The following WDR64 variants were observed in gnomAD, a reference collection of about 807,000 sequenced individuals.
The protein encoded by WDR64 is WD repeat-containing protein 64.
A neutral mutation model predicts 139.3 loss-of-function variants in WDR64; 112 were observed. The observed-to-expected ratio is 0.80, with a 90% CI of 0.69 to 0.94. WDR64 has a LOEUF of 0.94. Ranked by LOEUF, WDR64 falls within the 40% of genes least tolerant of loss-of-function variation. WDR64 has a pLI of 0.00. For synonymous variants in WDR64, 444 were observed against 437.7 expected (o/e 1.01, Z -0.18); for missense variants, 1,206 against 1,293.1 (o/e 0.93, Z 1.03).
intron 9 of WDR64, among the ~76,000 whole-genome samples, chr1:241,719,635 C>A (rs1668530391): frequency 6.6e-6 from 1 of 152,104 alleles, no homozygotes; most frequent in Non-Finnish European, 1.5e-5. Flanking sequence ...TAACAAGTCA[C>A]CTAATTATCC....
intron 20 of WDR64, 82 bp downstream of exon 20, chr1:241,773,013 A>T: frequency 7.2e-7 from 1 of 1,392,718 alleles, no homozygotes; most frequent in Non-Finnish European, 9.5e-7. Flanking sequence ...GTGTTCTTCC[A>T]TATGGCATCC....
At position 241,745,300 on chromosome 1, in the gene WDR64, C is replaced by T. The variant is rs1303010331; in HGVS notation, c.1594+784C>T. 1.1e-4 allele frequency among the ~76,000 whole-genome samples: 13 copies of T among 119,120 alleles called. 1 individual carries two copies. Among genetic ancestry groups the T allele is most frequent in the African/African-American group, 4.0e-4 (12 of 30,230 alleles). 78.1% of individuals were successfully genotyped at this position (119,120 alleles called of 152,430 possible). A position where few individuals can be genotyped will look rare whatever the true frequency, so the allele number is the denominator to read the frequency against. On this transcript the variant is annotated intron_variant, in intron 13 of 27. Coordinates refer to ENST00000437684, the MANE Select transcript of WDR64 (RefSeq NM_001367482.1). ...AAAGTGTGAGCAGATGACAACAGCA[C>T]GTGAAATAAAATCATGAATGCTGAG...
At chr1:241,659,050 C>T (rs1665724487) in intron 1 of WDR64, among the ~76,000 whole-genome samples, 1 of 152,094 alleles carries the variant, frequency 6.6e-6, no homozygotes, top group Non-Finnish European at 1.5e-5. Context: ...CTCATGCTCT[C>T]CCTCCACACC....
At chr1:241,721,035 C>A (rs1394097219) in intron 9 of WDR64, among the ~76,000 whole-genome samples, 1 of 152,156 alleles carries the variant, frequency 6.6e-6, no homozygotes, top group Admixed American at 6.5e-5. Context: ...CTCCCAGCAC[C>A]ATTTATTAAA....
chr1:241,679,642 G>A (rs1465517262), intron 6 of WDR64, 47 bp downstream of exon 6: 1 of 1,475,368 alleles, frequency 6.8e-7, no homozygotes, highest in East Asian at 2.5e-5. Context: ...TGTCTTTTCA[G>A]TAGTGGTACG....
At chr1:241,790,799 T>G (rs1177625619) in intron 25 of WDR64, 103 bp downstream of exon 25, 36 of 844,830 alleles carry the variant, frequency 4.3e-5, no homozygotes, top group Non-Finnish European at 6.2e-5. Flanking sequence ...ATATTAATTT[T>G]TTATTGATGG....
At chr1:241,765,919 A>T (rs940397766) in intron 15 of WDR64, among the ~76,000 whole-genome samples, 3 of 152,210 alleles carry the variant, frequency 2.0e-5, no homozygotes, top group African/African-American at 4.8e-5. Context: ...TATTCTTTCA[A>T]CAAGTTTGAA....
intron 14 of WDR64, among the ~76,000 whole-genome samples, chr1:241,751,123 C>T (rs1289788447): frequency 6.6e-6 from 1 of 151,898 alleles, no homozygotes; most frequent in East Asian, 1.9e-4. Context: ...TGCCATGTTC[C>T]AGAAGGATAT....
intron 1 of WDR64, among the ~76,000 whole-genome samples, chr1:241,660,229 G>A (rs1250209908): frequency 6.6e-6 from 1 of 152,158 alleles, no homozygotes; most frequent in African/African-American, 2.4e-5. Context: ...TTGTAGGTGT[G>A]CAGTCTTATT....
rs1299673311 is a variant in WDR64 at position 241,723,413 on chromosome 1, G to T, written c.1171G>T (p.Val391Phe). The T allele has an allele frequency of 3.1e-6, 5 of 1,613,692 alleles. No homozygotes were observed. The highest frequency in any genetic ancestry group is 4.2e-6 in the Non-Finnish European group (5 of 1,179,776). Residue 391 changes from valine (V) to phenylalanine (F), a missense_variant, in exon 10 of 28, where the codon GTC becomes TTC. By Grantham distance (50) the Val-to-Phe change is conservative. Coordinates refer to ENST00000437684, the MANE Select transcript of WDR64 (RefSeq NM_001367482.1). ...EIVTNEKDQH[V>F]VSLSSAKVFR... ...CGTAACCAATGAAAAAGATCAACAT[G>T]TCGTCAGCCTTTCCTCTGCAAAGGT...
chr1:241,675,073 G>GCCTCCCTCCCTCCTTCCTT (rs1558465982), intron 4 of WDR64, among the ~76,000 whole-genome samples: 3 of 22,024 alleles, frequency 1.4e-4, no homozygotes, highest in Non-Finnish European at 2.4e-4. Flanking sequence ...CCTCCTTCCT[G>GCCTCCCTCCCTCCTTCCTT]CCTCCCTCCC....
At chr1:241,761,491 T>C (rs1364508207) in intron 15 of WDR64, among the ~76,000 whole-genome samples, 1 of 151,890 alleles carries the variant, frequency 6.6e-6, no homozygotes, top group African/African-American at 2.4e-5. Flanking sequence ...TTGTCAATTT[T>C]TCTATCTATG....
intron 11 of WDR64, among the ~76,000 whole-genome samples, chr1:241,738,755 T>G (rs1669423530): frequency 6.6e-6 from 1 of 152,214 alleles, no homozygotes; most frequent in South Asian, 2.1e-4. Context: ...GAAAGTTCTA[T>G]TTGAGTAATT....
At chr1:241,715,438 G>A (rs1668366022) in intron 9 of WDR64, among the ~76,000 whole-genome samples, 2 of 152,130 alleles carry the variant, frequency 1.3e-5, no homozygotes, top group Non-Finnish European at 2.9e-5. Context: ...TTTTGGTTTG[G>A]ATCACACATC....
intron 8 of WDR64, among the ~76,000 whole-genome samples, chr1:241,690,420 G>A (rs1317003636): frequency 2.6e-5 from 4 of 151,164 alleles, no homozygotes; most frequent in East Asian, 2.0e-4. Context: ...GTAGTGAGCC[G>A]AGATCACACC....
At chr1:241,661,736 G>C (rs1665840190) in intron 2 of WDR64, among the ~76,000 whole-genome samples, 1 of 152,198 alleles carries the variant, frequency 6.6e-6, no homozygotes, top group South Asian at 2.1e-4. Flanking sequence ...TATTAGAAAA[G>C]CCAGAAACGT....
chr1:241,799,935 C>T (rs1239589168), intron 27 of WDR64, among the ~76,000 whole-genome samples: 1 of 151,884 alleles, frequency 6.6e-6, no homozygotes, highest in East Asian at 1.9e-4. Flanking sequence ...CTTAATTTTT[C>T]CCCTAAAAAG....
chr1:241,660,664 G>C lies in WDR64; in HGVS notation c.276+4G>C, dbSNP rs1260182480. On this transcript the variant is annotated splice_donor_region_variant and intron_variant, in intron 2 of 27. Coordinates refer to ENST00000437684, the MANE Select transcript of WDR64 (RefSeq NM_001367482.1). ...TGCATCTGCAGACTGGTGTGAGGTAGACTCATTTCATGTTCATAATATGAA... is the reference window on the plus strand; with the variant it reads ...TGCATCTGCAGACTGGTGTGAGGTACACTCATTTCATGTTCATAATATGAA... 1.2e-5 allele frequency: 19 copies of C among 1,548,880 alleles called. No homozygotes were observed. The highest frequency in any genetic ancestry group is 1.6e-5 in the Non-Finnish European group (18 of 1,146,028).
intron 27 of WDR64, among the ~76,000 whole-genome samples, chr1:241,798,449 C>T (rs911352252): frequency 2.6e-5 from 4 of 152,142 alleles, no homozygotes; most frequent in Admixed American, 2.0e-4. Context: ...GATTAAAGCA[C>T]CACTATGTTA....
Sources: gnomAD v4.1 joint callset for allele counts (sites outside exome capture counted in the v4.1 genomes callset) on GRCh38, gnomAD v4.1.1 for gene constraint, MANE v1.5 for transcripts, NCBI Gene and HGNC (gene_info 2026-07-23, HGNC 2026-07-21) for gene names.